SLC7A1: variants seen among roughly 807,000 people sequenced by gnomAD.
SLC7A1 encodes the protein solute carrier family 7 member 1.
A neutral mutation model predicts 53.9 loss-of-function variants in SLC7A1; 10 were observed. The ratio of observed to expected loss-of-function variants is 0.19; its 90% confidence interval spans 0.11 to 0.31. SLC7A1 has a LOEUF of 0.31. Ranked by LOEUF, SLC7A1 falls within the 10% of genes least tolerant of loss-of-function variation. The probability of loss-of-function intolerance (pLI) is 1.00; values close to 1 mark genes in which losing one functional copy is unlikely to be tolerated. For synonymous variants in SLC7A1, 342 were observed against 338.7 expected (o/e 1.01, Z -0.11); for missense variants, 525 against 827.2 (o/e 0.63, Z 4.48).
chr13:29,522,570 GCTGCCGTCC>G, intron 7 of SLC7A1, 114 bp from the exon 8 acceptor site: 1 of 1,148,292 alleles, frequency 8.7e-7, no homozygotes, highest in Admixed American at 2.1e-5. Flanking sequence ...CTCACCAAGA[GCTGCCGTCC>G]CTCCACGCTG....
chr13:29,590,225 G>A (rs1872052351), intron 1 of SLC7A1, among the ~76,000 whole-genome samples: 1 of 152,194 alleles, frequency 6.6e-6, no homozygotes, highest in Non-Finnish European at 1.5e-5. Flanking sequence ...CCAAGCACGG[G>A]ATGAGTGAGG....
chr13:29,590,833 G>C (rs1310279703), intron 1 of SLC7A1, among the ~76,000 whole-genome samples: 1 of 152,202 alleles, frequency 6.6e-6, no homozygotes, highest in African/African-American at 2.4e-5. Context: ...GCTAGGCTAA[G>C]TGGCTCACGA....
At chr13:29,515,803 C>T (rs1883538249) in intron 12 of SLC7A1, among the ~76,000 whole-genome samples, 1 of 152,220 alleles carries the variant, frequency 6.6e-6, no homozygotes, top group Non-Finnish European at 1.5e-5. Context: ...AGTGCCCGTA[C>T]CAATTTGGTG....
At chr13:29,563,112 T>C (rs1870830107) in intron 1 of SLC7A1, among the ~76,000 whole-genome samples, 1 of 152,232 alleles carries the variant, frequency 6.6e-6, no homozygotes, top group Non-Finnish European at 1.5e-5. Flanking sequence ...AGTCGGGGGC[T>C]GCAGTGCAGT....
intron 1 of SLC7A1, among the ~76,000 whole-genome samples, chr13:29,591,359 G>A (rs1048713828): frequency 2.0e-5 from 3 of 152,166 alleles, no homozygotes; most frequent in Non-Finnish European, 4.4e-5. Context: ...CACTGACCCC[G>A]TAAGTGGAAC....
intron 1 of SLC7A1, among the ~76,000 whole-genome samples, chr13:29,569,525 G>T (rs1391520035): frequency 6.6e-6 from 1 of 152,154 alleles, no homozygotes; most frequent in African/African-American, 2.4e-5. Flanking sequence ...AAGTGTGAGG[G>T]CTTGACCTCA....
intron 2 of SLC7A1, among the ~76,000 whole-genome samples, chr13:29,537,237 G>A (rs1464995252): frequency 6.6e-6 from 1 of 152,226 alleles, no homozygotes; most frequent in Non-Finnish European, 1.5e-5. Flanking sequence ...TGCGGCAGGT[G>A]ACCGAGGCCA....
At chr13:29,586,504 A>T (rs1239095130) in intron 1 of SLC7A1, among the ~76,000 whole-genome samples, 1 of 152,212 alleles carries the variant, frequency 6.6e-6, no homozygotes, top group Non-Finnish European at 1.5e-5. Context: ...CACTTTTAAC[A>T]TTAAAGTTTC....
intron 3 of SLC7A1, among the ~76,000 whole-genome samples, chr13:29,533,447 C>A (rs1869266323): frequency 6.6e-6 from 1 of 152,200 alleles, no homozygotes; most frequent in Admixed American, 6.5e-5. Context: ...CTAGGAACCC[C>A]TTGGCTGCAG....
At chr13:29,581,178 C>T (rs1183844226) in intron 1 of SLC7A1, among the ~76,000 whole-genome samples, 1 of 152,170 alleles carries the variant, frequency 6.6e-6, no homozygotes, top group Non-Finnish European at 1.5e-5. Flanking sequence ...AAGAACGTTC[C>T]ATTCCCATGA....
At chr13:29,572,781 G>A (rs1871254660) in intron 1 of SLC7A1, among the ~76,000 whole-genome samples, 1 of 152,192 alleles carries the variant, frequency 6.6e-6, no homozygotes, top group Non-Finnish European at 1.5e-5. Flanking sequence ...GGCGGGGAAG[G>A]TGATCCTGGG....
chr13:29,577,334 C>T (rs753709727), intron 1 of SLC7A1, among the ~76,000 whole-genome samples: 4 of 152,144 alleles, frequency 2.6e-5, no homozygotes, highest in East Asian at 1.9e-4. Flanking sequence ...CAGAGCCAGG[C>T]GCCAGATTCA....
At chr13:29,593,844 A>C (rs1254979030) in intron 1 of SLC7A1, among the ~76,000 whole-genome samples, 1 of 152,110 alleles carries the variant, frequency 6.6e-6, no homozygotes, top group Non-Finnish European at 1.5e-5. Context: ...AAGGGAGTAC[A>C]TTTCTGATCT....
rs569367196 is a variant in SLC7A1 at position 29,553,072 on chromosome 13, C to T, written c.-15+689G>A. Among the ~76,000 whole-genome samples the T allele has an allele frequency of 3.3e-5, 5 of 152,310 alleles. No individual in the cohort carries two copies. In the South Asian group the frequency reaches 1.0e-3, roughly 32 times the overall value. On this transcript the variant is annotated intron_variant, in intron 2 of 12. Coordinates refer to ENST00000380752, the MANE Select transcript of SLC7A1 (RefSeq NM_003045.5). ...TGCCCACTTGGAATTAACTCTCAAGCTGCAAGGAACAGCCTGAAATACCAC... is the reference window on the plus strand; with the variant it reads ...TGCCCACTTGGAATTAACTCTCAAGTTGCAAGGAACAGCCTGAAATACCAC...
intron 3 of SLC7A1, 92 bp from the exon 4 acceptor site, chr13:29,533,074 G>A: frequency 7.7e-7 from 1 of 1,293,922 alleles, no homozygotes; most frequent in Non-Finnish European, 1.1e-6. Context: ...ATCATTGCAG[G>A]AGTCACCGAC....
In SLC7A1 at chr13:29,532,694, A is replaced by G. The variant is rs1423910632; in HGVS notation, c.529+130T>C. ...ACAAATAAAGATGCCTGCATGCAGT[A>G]CAAAAACAAAACAAAAAGAAATGGG... On this transcript the variant is annotated intron_variant, in intron 4 of 12. Transcript: ENST00000380752. 7 of 822,184 alleles carry G rather than the reference A, an allele frequency of 8.5e-6. No individual in the cohort carries two copies. In the East Asian group the frequency reaches 1.8e-4, roughly 21 times the overall value. The allele number at this position is 822,184 out of a possible 1,614,324, so 50.9% of individuals were successfully genotyped here. A position where few individuals can be genotyped will look rare whatever the true frequency, so the allele number is the denominator to read the frequency against.
At chr13:29,521,725 T>A (rs185505668) in intron 8 of SLC7A1, among the ~76,000 whole-genome samples, 52 of 152,350 alleles carry the variant, frequency 3.4e-4, no homozygotes, top group Middle Eastern at 6.8e-3. Context: ...CGGCTCAGAT[T>A]AGTCCACTGA....
At chr13:29,527,306 T>A (rs1438981264) in intron 5 of SLC7A1, among the ~76,000 whole-genome samples, 3 of 152,174 alleles carry the variant, frequency 2.0e-5, no homozygotes, top group Non-Finnish European at 4.4e-5. Flanking sequence ...GCATTGTAAA[T>A]CTTTTTTAAA....
chr13:29,533,713 G>A (rs1869278461), intron 3 of SLC7A1, among the ~76,000 whole-genome samples: 1 of 152,038 alleles, frequency 6.6e-6, no homozygotes, highest in African/African-American at 2.4e-5. Context: ...ACACCAACAG[G>A]GCAGCACTCA....
Sources: allele counts gnomAD v4.1 joint callset (sites outside exome capture counted in the v4.1 genomes callset), GRCh38; gene constraint gnomAD v4.1.1; transcripts MANE v1.5; gene names NCBI Gene and HGNC (gene_info 2026-07-23, HGNC 2026-07-21).